The following TYW1B variants were observed in gnomAD, a reference collection of about 807,000 sequenced individuals.
TYW1B encodes tRNA-yW synthesizing protein 1 homolog B, also known as S-adenosyl-L-methionine-dependent tRNA 4-demethylwyosine synthase TYW1B.
TYW1B carries 73 observed loss-of-function variants against 86.9 expected under a neutral mutation model. The observed-to-expected ratio is 0.84, with a 90% CI of 0.70 to 1.02. TYW1B has a LOEUF of 1.02. Among genes scored for constraint, TYW1B ranks in the 50% least tolerant of loss-of-function variants. TYW1B has a pLI of 0.00. For missense variants in TYW1B, 637 were observed against 827.4 expected, an observed-to-expected ratio of 0.77 and a Z score of 2.82; for synonymous variants, 248 against 292.8, an observed-to-expected ratio of 0.85 and a Z score of 1.56.
chr7:72,822,105 C>A (rs1586011439), intron 2 of TYW1B, among the ~76,000 whole-genome samples: 1 of 140,810 alleles, frequency 7.1e-6, no homozygotes, highest in East Asian at 2.1e-4. Context: ...AATCCCAGCA[C>A]TTTGGGAGGC....
At chr7:72,663,763 A>AC in intron 11 of TYW1B, among the ~76,000 whole-genome samples, 1 of 143,840 alleles carries the variant, frequency 7.0e-6, no homozygotes, top group Non-Finnish European at 1.5e-5. Context: ...CTCCATCTCA[A>AC]AAAAAAAAAA....
intron 7 of TYW1B, among the ~76,000 whole-genome samples, chr7:72,764,290 C>A (rs55665690): frequency 0.78 from 119,233 of 152,106 alleles, 46,929 homozygotes; most frequent in Non-Finnish European, 0.8. Flanking sequence ...TTCAACAAGT[C>A]CTTTTTTTTC....
intron 13 of TYW1B, among the ~76,000 whole-genome samples, chr7:72,586,001 A>G (rs1379934317): frequency 6.6e-6 from 1 of 152,202 alleles, no homozygotes; most frequent in Admixed American, 6.5e-5. Flanking sequence ...CACATTCACC[A>G]GCGCAAAGTT....
At chr7:72,810,140 T>C (rs1433676720) in intron 4 of TYW1B, among the ~76,000 whole-genome samples, 2 of 151,594 alleles carry the variant, frequency 1.3e-5, no homozygotes, top group Admixed American at 1.3e-4. Context: ...TGGCCAAGCG[T>C]GGTGGCACAT....
chr7:72,820,659 C>G (rs1788811656), intron 2 of TYW1B, among the ~76,000 whole-genome samples: 1 of 152,034 alleles, frequency 6.6e-6, no homozygotes, highest in Non-Finnish European at 1.5e-5. Context: ...CCAACAAGCT[C>G]TCTTGGGAAC....
rs538328295 is a variant in TYW1B at position 72,654,150 on chromosome 7, A to G, written c.1507-25153T>C. Among the ~76,000 whole-genome samples, 3 of 152,250 alleles carry G rather than the reference A, an allele frequency of 2.0e-5. No homozygotes were observed. In the East Asian group the frequency reaches 5.8e-4, roughly 29 times the overall value. On this transcript the variant is annotated intron_variant, in intron 11 of 13. Transcript: ENST00000620995. The stretch of plus-strand genomic sequence containing the variant: ...AAGGGGAACTTCCCCAACATAATAA[A>G]GAATATCTACAGAAAACCTACAGCT...
At chr7:72,759,839 T>C (rs1057217415) in intron 7 of TYW1B, among the ~76,000 whole-genome samples, 2 of 152,172 alleles carry the variant, frequency 1.3e-5, no homozygotes, top group Non-Finnish European at 2.9e-5. Context: ...AATATAAATT[T>C]AGGTTTGCCT....
rs1554428127 is a variant in TYW1B at position 72,574,757 on chromosome 7, A to G, written c.*741T>C. 1.7e-5 allele frequency: 17 copies of G among 985,292 alleles called. No individual in the cohort carries two copies. The highest frequency in any genetic ancestry group is 1.9e-5 in the Non-Finnish European group (16 of 829,950). 61.0% of individuals were successfully genotyped at this position (985,292 alleles called of 1,614,324 possible). On this transcript the variant is annotated 3_prime_UTR_variant, in exon 14 of 14. Coordinates refer to ENST00000620995, the MANE Select transcript of TYW1B (RefSeq NM_001145440.3). Reference sequence around the variant, plus strand: ...CGAACAAAAAGAAATGATCCTCTTCAGTCCAAAGTGTGTTTGTGAGACTAA... The same window carrying G: ...CGAACAAAAAGAAATGATCCTCTTCGGTCCAAAGTGTGTTTGTGAGACTAA...
In TYW1B at chr7:72,798,710, G is replaced by T. The variant is rs1207420418; in HGVS notation, c.846+3690C>A. Among the ~76,000 whole-genome samples, 3 of 152,118 alleles carry T rather than the reference G, an allele frequency of 2.0e-5. No homozygotes were observed. In the East Asian group the frequency reaches 5.8e-4, roughly 29 times the overall value. ...AACTGTCAAAAGCCCTTCCATACAGGCTAGACCATCCTGGACTCCCACCTG... is the reference window on the plus strand; with the variant it reads ...AACTGTCAAAAGCCCTTCCATACAGTCTAGACCATCCTGGACTCCCACCTG... On this transcript the variant is annotated intron_variant, in intron 6 of 13. Transcript: ENST00000620995.
chr7:72,805,067 C>G (rs1788469835), intron 5 of TYW1B, among the ~76,000 whole-genome samples: 1 of 152,030 alleles, frequency 6.6e-6, no homozygotes, highest in Admixed American at 6.6e-5. Flanking sequence ...ACTGCATATA[C>G]TCATGGTAGC....
intron 6 of TYW1B, among the ~76,000 whole-genome samples, chr7:72,782,175 G>A (rs1238499140): frequency 6.6e-6 from 1 of 151,978 alleles, no homozygotes; most frequent in South Asian, 2.1e-4. Flanking sequence ...TGTCATCCGA[G>A]CCACTTGGGA....
intron 6 of TYW1B, among the ~76,000 whole-genome samples, chr7:72,801,900 A>C (rs1252149758): frequency 1.3e-5 from 2 of 152,146 alleles, no homozygotes; most frequent in African/African-American, 4.8e-5. Flanking sequence ...CAACCATAAT[A>C]AATCCTATCA....
intron 13 of TYW1B, among the ~76,000 whole-genome samples, chr7:72,600,781 G>T (rs146465370): frequency 6.6e-6 from 1 of 152,126 alleles, no homozygotes; most frequent in South Asian, 2.1e-4. Context: ...AGGATCCCCT[G>T]AGCCCAGGAA....
intron 11 of TYW1B, among the ~76,000 whole-genome samples, chr7:72,645,777 T>C (rs1184080041): frequency 2.6e-5 from 4 of 152,016 alleles, no homozygotes; most frequent in African/African-American, 9.7e-5. Flanking sequence ...GGGGAGGGGC[T>C]GATGACCAGG....
intron 7 of TYW1B, among the ~76,000 whole-genome samples, chr7:72,746,483 TATTG>T (rs1554463839): frequency 1.3e-5 from 2 of 152,216 alleles, no homozygotes; most frequent in African/African-American, 4.8e-5. Flanking sequence ...CTTCAATCAC[TATTG>T]ATTAAGAAGT....
intron 1 of TYW1B, 81 bp downstream of exon 1, chr7:72,827,991 G>C: frequency 6.3e-7 from 1 of 1,594,678 alleles, no homozygotes; most frequent in Non-Finnish European, 8.5e-7. Flanking sequence ...GACCGAGGAC[G>C]CCACTCCGCC....
chr7:72,804,876 T>G (rs535287497), intron 5 of TYW1B, among the ~76,000 whole-genome samples: 3 of 152,172 alleles, frequency 2.0e-5, no homozygotes, highest in Non-Finnish European at 4.4e-5. Context: ...TGAGCCTGTT[T>G]GCTGATCCCT....
chr7:72,798,435 C>T (rs1232592422), intron 6 of TYW1B, among the ~76,000 whole-genome samples: 1 of 152,058 alleles, frequency 6.6e-6, no homozygotes, highest in Non-Finnish European at 1.5e-5. Context: ...TAAAATCCAA[C>T]ACCACTTGGA....
chr7:72,654,791 G>A (rs1424570626), intron 11 of TYW1B, among the ~76,000 whole-genome samples: 2 of 152,168 alleles, frequency 1.3e-5, no homozygotes, highest in African/African-American at 4.8e-5. Flanking sequence ...TGAGGCAGGA[G>A]AATTGCTTGA....
Sources: allele counts gnomAD v4.1 joint callset (sites outside exome capture counted in the v4.1 genomes callset), GRCh38; gene constraint gnomAD v4.1.1; transcripts MANE v1.5; gene names NCBI Gene and HGNC (gene_info 2026-07-23, HGNC 2026-07-21).